The following NUP93 variants were observed in gnomAD, a reference collection of about 807,000 sequenced individuals.
NUP93 encodes the protein nucleoporin 93.
Under a neutral mutation model 107.8 loss-of-function variants are expected in NUP93, and 55 were observed. The ratio of observed to expected loss-of-function variants is 0.51; its 90% CI spans 0.41 to 0.64. The LOEUF (loss-of-function observed/expected upper bound fraction) is 0.64. NUP93 is among the 30% of genes least tolerant of loss of function. The pLI is 0.00. For missense variants in NUP93, 937 were observed against 1,044.7 expected, an observed-to-expected ratio of 0.90 and a Z score of 1.42; for synonymous variants, 390 against 397.5, an observed-to-expected ratio of 0.98 and a Z score of 0.22.
intron 2 of NUP93, among the ~76,000 whole-genome samples, chr16:56,755,247 AT>A (rs1961997493): frequency 6.6e-6 from 1 of 152,254 alleles, no homozygotes; most frequent in South Asian, 2.1e-4. Flanking sequence ...GATACATAAA[AT>A]GTGGTATGTC....
At chr16:56,838,217 C>A (rs1039138963) in intron 18 of NUP93, among the ~76,000 whole-genome samples, 2 of 152,172 alleles carry the variant, frequency 1.3e-5, no homozygotes, top group Admixed American at 1.3e-4. Flanking sequence ...TTTGCGCTCT[C>A]TGTAGATATT....
At chr16:56,822,853 A>G (rs1205554579) in intron 7 of NUP93, among the ~76,000 whole-genome samples, 1 of 152,216 alleles carries the variant, frequency 6.6e-6, no homozygotes, top group African/African-American at 2.4e-5. Context: ...GTCAGGTTTC[A>G]CCAATCATTC....
intron 10 of NUP93, among the ~76,000 whole-genome samples, chr16:56,830,934 G>A (rs763009613): frequency 1.3e-5 from 2 of 152,166 alleles, no homozygotes; most frequent in African/African-American, 4.8e-5. Flanking sequence ...TTCCTACAAG[G>A]GAGGGCCAGG....
rs12924698 is a variant in NUP93 at position 56,758,087 on chromosome 16, T to C, written c.180-451T>C. Among the ~76,000 whole-genome samples the C allele has an allele frequency of 3.9e-3, 581 of 150,896 alleles. 6 individuals are homozygous for C. The highest frequency in any genetic ancestry group is 0.014 in the African/African-American group (558 of 41,088). ...CTCTGTCTCAGAAAAAAAAAAAAGTTGGGGGGAGCTTGTGCCACAGAACTA... is the reference window on the plus strand; with the variant it reads ...CTCTGTCTCAGAAAAAAAAAAAAGTCGGGGGGAGCTTGTGCCACAGAACTA... On this transcript the variant is annotated intron_variant, in intron 2 of 21. Coordinates refer to ENST00000308159, the MANE Select transcript of NUP93 (RefSeq NM_014669.5).
chr16:56,834,706 A>G, intron 15 of NUP93, 28 bp from the exon 16 acceptor site: 3 of 1,598,064 alleles, frequency 1.9e-6, no homozygotes, highest in Non-Finnish European at 2.6e-6. Flanking sequence ...TTGTCCAATA[A>G]TTTGAGTAAA....
intron 3 of NUP93, among the ~76,000 whole-genome samples, chr16:56,768,759 C>G (rs533612054): frequency 2.2e-4 from 33 of 149,732 alleles, no homozygotes; most frequent in Non-Finnish European, 3.0e-5. Context: ...CCCAGCTACT[C>G]GGGAGGCTGA....
intron 1 of NUP93, among the ~76,000 whole-genome samples, chr16:56,735,877 A>G (rs541565249): frequency 6.6e-6 from 1 of 151,324 alleles, no homozygotes; most frequent in East Asian, 2.0e-4. Flanking sequence ...AGTAGGGTGC[A>G]TAGAGTTGGG....
At chr16:56,841,242 C>T (rs1482241260) in intron 20 of NUP93, among the ~76,000 whole-genome samples, 2 of 152,172 alleles carry the variant, frequency 1.3e-5, no homozygotes, top group African/African-American at 4.8e-5. Flanking sequence ...GCCTTATAGA[C>T]ACTCCCAAGG....
rs148009236 is a variant in NUP93, at chr16:56,817,534, C to T, written c.490-1130C>T. 4.8e-3 allele frequency among the ~76,000 whole-genome samples: 732 copies of T among 152,250 alleles called. 6 individuals carry two copies. The highest frequency in any genetic ancestry group is 0.017 in the African/African-American group (698 of 41,528). On this transcript the variant is annotated intron_variant, in intron 5 of 21. Coordinates refer to ENST00000308159, the MANE Select transcript of NUP93 (RefSeq NM_014669.5). ...ATGAGATAAGCTTAAAGAATTTGATCTCTGCTATGCTACAGTACAAACTAG... is the reference window on the plus strand; with the variant it reads ...ATGAGATAAGCTTAAAGAATTTGATTTCTGCTATGCTACAGTACAAACTAG...
rs779174822 is a variant in NUP93, at chr16:56,828,991, C to G, written c.809C>G (p.Thr270Ser). The G allele has an allele frequency of 6.2e-7, 1 of 1,613,326 alleles. No individual in the cohort carries two copies. The highest frequency in any genetic ancestry group is 1.1e-5 in the South Asian group (1 of 90,780). ...AATTTTTCCAGTTATAAGAATTACA[C>G]CCTTGTGACTGTCTTTGGAAATTTG... ...AYLEQSYKNY[T>S]LVTVFGNLHQ... is the part of the protein sequence containing the mutation. The change falls in exon 9 of 22, where the codon ACC (threonine) becomes AGC (serine). Residue 270 changes from threonine to serine, a missense_variant. Transcript: ENST00000308159.
chr16:56,745,454 GC>G (rs1427047933), intron 1 of NUP93, among the ~76,000 whole-genome samples: 1 of 152,190 alleles, frequency 6.6e-6, no homozygotes, highest in African/African-American at 2.4e-5. Context: ...TTGCTGGGTT[GC>G]TATAGACTGA....
intron 12 of NUP93, 55 bp downstream of exon 12, chr16:56,832,443 C>T (rs1162306068): frequency 1.4e-6 from 2 of 1,408,822 alleles, no homozygotes; most frequent in Non-Finnish European, 2.0e-6. Flanking sequence ...AAGGTGACTA[C>T]TTCAGTTTTC....
At chr16:56,815,639 T>C (rs1963404919) in intron 5 of NUP93, among the ~76,000 whole-genome samples, 1 of 152,198 alleles carries the variant, frequency 6.6e-6, no homozygotes, top group South Asian at 2.1e-4. Flanking sequence ...TTATTGACCA[T>C]ATCTTGGACA....
chr16:56,843,906 A>G lies in NUP93; in HGVS notation c.2350-593A>G, dbSNP rs140635454. 2.8e-3 allele frequency among the ~76,000 whole-genome samples: 431 copies of G among 152,250 alleles called. 1 individual carries two copies. Among genetic ancestry groups the G allele is most frequent in the Admixed American group, 5.2e-3 (80 of 15,298 alleles). On this transcript the variant is annotated intron_variant, in intron 21 of 21. Coordinates refer to ENST00000308159, the MANE Select transcript of NUP93 (RefSeq NM_014669.5). ...TAAATTTGTAGGGCCACCTTTTTCC[A>G]TCCTGAACAATCCAGGAATTCCATA...
In NUP93 at chr16:56,740,089, T is replaced by C. The variant is rs1232502702; in HGVS notation, c.-14-8145T>C. Among the ~76,000 whole-genome samples, 121 of 103,342 alleles carry C rather than the reference T, an allele frequency of 1.2e-3. No individual in the cohort carries two copies. The Admixed American group carries it at 0.012, about 11-fold the overall frequency. The allele number at this position is 103,342 out of a possible 152,430, so 67.8% of individuals were successfully genotyped here. ...CGGGCGGAGGGCTCACCCCCCCACC[T>C]CCCTCCCGGACGGGGCGGCTGGCCA... On this transcript the variant is annotated intron_variant, in intron 1 of 21. Coordinates refer to ENST00000308159, the MANE Select transcript of NUP93 (RefSeq NM_014669.5).
intron 8 of NUP93, among the ~76,000 whole-genome samples, chr16:56,827,871 G>A (rs1396922846): frequency 6.6e-6 from 1 of 152,220 alleles, no homozygotes; most frequent in Non-Finnish European, 1.5e-5. Flanking sequence ...TGTAATCCCA[G>A]CACTTTGGGA....
At chr16:56,841,593 T>C in intron 20 of NUP93, 112 bp from the exon 21 acceptor site, 1 of 1,309,176 alleles carries the variant, frequency 7.6e-7, no homozygotes, top group Non-Finnish European at 1.0e-6. Flanking sequence ...CACCTGGCAA[T>C]GGTGAGGAGT....
At chr16:56,770,719 G>A (rs2144503106) in intron 3 of NUP93, among the ~76,000 whole-genome samples, 1 of 152,190 alleles carries the variant, frequency 6.6e-6, no homozygotes, top group African/African-American at 2.4e-5. Context: ...ATTGATAATA[G>A]AGAAGTGAGG....
In NUP93 at chr16:56,839,054, T is replaced by C. The variant is rs2144645748; in HGVS notation, c.2121T>C (p.Ile707=). 6.2e-7 allele frequency: 1 copy of C among 1,611,752 alleles called. No homozygotes were observed. The highest frequency in any genetic ancestry group is 8.5e-7 in the Non-Finnish European group (1 of 1,178,026). Residue 707 remains isoleucine (I), a synonymous_variant, in exon 19 of 22, where the codon ATT becomes ATC. Coordinates refer to ENST00000308159, the MANE Select transcript of NUP93 (RefSeq NM_014669.5). ...TFFDEYHSGH[I]DRAFDIIERL... is the part of the protein sequence containing the mutation. ...TTGACGAGTATCATAGTGGTCATAT[T>C]GATAGAGCTTTTGATGTAAGTTTCA...
Sources: gnomAD v4.1 joint callset for allele counts (sites outside exome capture counted in the v4.1 genomes callset) on GRCh38, gnomAD v4.1.1 for gene constraint, MANE v1.5 for transcripts, NCBI Gene and HGNC (gene_info 2026-07-23, HGNC 2026-07-21) for gene names.